Variants in C2orf49 observed in about 807,000 individuals in gnomAD.
C2orf49 encodes tRNA splicing ligase complex subunit 2, also known as tRNA-splicing ligase complex subunit ASW.
A neutral mutation model predicts 20.6 loss-of-function variants in C2orf49; 11 were observed. That is an observed-to-expected ratio of 0.53 (90% CI 0.34 to 0.88). C2orf49 has a LOEUF of 0.88. Among genes scored for constraint, C2orf49 ranks in the 40% least tolerant of loss-of-function variants. The pLI is 0.02. For synonymous variants in C2orf49, 134 were observed against 108.5 expected, an observed-to-expected ratio of 1.24 and a Z score of -1.46; for missense variants, 289 against 274.2, an observed-to-expected ratio of 1.05 and a Z score of -0.38.
At chr2:105,369,789 T>C in the C2orf49 span, among the ~76,000 whole-genome samples, 4 of 152,304 alleles carry the variant, frequency 2.6e-5, no homozygotes, top group East Asian at 7.7e-4. Flanking sequence ...ATGGGGCAAT[T>C]ATGACTCTCA....
At chr2:105,373,682 G>C in the C2orf49 span, 39 of 1,614,098 alleles carry the variant, frequency 2.4e-5, no homozygotes, top group Non-Finnish European at 3.0e-5. Flanking sequence ...TTTCTGCACT[G>C]CGAGCAGTGG....
Position 105,345,572 on chromosome 2 carries a change from C to G in C2orf49, c.*201C>G, listed in dbSNP as rs1412978761. ...TTTTTAAAATTCTTGCCTGTCTTGC[C>G]CTGATTAGGAAAGAATATCTTTTTA... On this transcript the variant is annotated 3_prime_UTR_variant, in exon 4 of 4. Coordinates refer to ENST00000258457, the MANE Select transcript of C2orf49 (RefSeq NM_024093.3). 1 of 595,242 alleles carries G rather than the reference C, an allele frequency of 1.7e-6. No homozygotes were observed. Among genetic ancestry groups the G allele is most frequent in the Non-Finnish European group, 3.0e-6 (1 of 334,382 alleles). The allele number at this position is 595,242 out of a possible 1,614,324, so 36.9% of individuals were successfully genotyped here. A position where few individuals can be genotyped will look rare whatever the true frequency, so the allele number is the denominator to read the frequency against.
downstream of C2orf49, among the ~76,000 whole-genome samples, chr2:105,353,997 C>T (rs1429677624): frequency 6.6e-6 from 1 of 152,210 alleles, no homozygotes; most frequent in Non-Finnish European, 1.5e-5. Context: ...CCTCTGCTTA[C>T]AAATTGGATA....
At chr2:105,379,972 A>G in the C2orf49 span, among the ~76,000 whole-genome samples, 1 of 152,030 alleles carries the variant, frequency 6.6e-6, no homozygotes, top group African/African-American at 2.4e-5. Context: ...TTTCCCTGTC[A>G]CTCTCTGAAT....
the C2orf49 span, among the ~76,000 whole-genome samples, chr2:105,367,268 G>A: frequency 6.6e-6 from 1 of 152,164 alleles, no homozygotes; most frequent in East Asian, 1.9e-4. Context: ...ACAGCTTTGG[G>A]ATGGTGGCTC....
the C2orf49 span, among the ~76,000 whole-genome samples, chr2:105,382,097 A>G: frequency 1.3e-5 from 2 of 152,178 alleles, no homozygotes; most frequent in African/African-American, 2.4e-5. Flanking sequence ...ATCACTGAAC[A>G]TTTCTGTCCA....
At chr2:105,339,799 A>G in intron 2 of C2orf49, 50 bp downstream of exon 2, 2 of 1,425,920 alleles carry the variant, frequency 1.4e-6, no homozygotes, top group Non-Finnish European at 1.9e-6. Flanking sequence ...AACTAAAGTT[A>G]TATATAAGTT....
Position 105,345,523 on chromosome 2 carries a change from C to G in C2orf49, c.*152C>G. 2 of 655,776 alleles carry G rather than the reference C, an allele frequency of 3.0e-6. No individual in the cohort carries two copies. The highest frequency in any genetic ancestry group is 2.6e-6 in the Non-Finnish European group (1 of 380,008). 40.6% of individuals were successfully genotyped at this position (655,776 alleles called of 1,614,324 possible). A position where few individuals can be genotyped will look rare whatever the true frequency, so the allele number is the denominator to read the frequency against. ...AAAAAATAAAGGATTTATTTTCCTT[C>G]CCTTCTTCCCTCCCTCCCTTCCTTT... is the stretch of plus-strand genomic sequence containing the variant. On this transcript the variant is annotated 3_prime_UTR_variant, in exon 4 of 4. Coordinates refer to ENST00000258457, the MANE Select transcript of C2orf49 (RefSeq NM_024093.3).
At chr2:105,343,336 G>C in intron 3 of C2orf49, 113 bp downstream of exon 3, 4 of 1,013,282 alleles carry the variant, frequency 3.9e-6, no homozygotes, top group South Asian at 1.9e-5. Context: ...GAACCCTTTT[G>C]ATGGTCTGTC....
the C2orf49 span, among the ~76,000 whole-genome samples, chr2:105,380,387 T>G: frequency 5.4e-4 from 82 of 152,332 alleles, 1 homozygote; most frequent in East Asian, 0.015. Flanking sequence ...CTGTTCTGTC[T>G]GTCTATCTAT....
chr2:105,352,513 C>T (rs1210414143), downstream of C2orf49, among the ~76,000 whole-genome samples: 8 of 124,692 alleles, frequency 6.4e-5, no homozygotes, highest in East Asian at 2.7e-4. Context: ...GGCAGGATCT[C>T]GGCCCACTGC....
Position 105,342,832 on chromosome 2 carries a change from A to G in C2orf49, c.267-16A>G. 1.9e-6 allele frequency: 3 copies of G among 1,593,952 alleles called. No homozygotes were observed. In the South Asian group the frequency reaches 3.4e-5, roughly 18 times the overall value. On this transcript the variant is annotated splice_polypyrimidine_tract_variant and intron_variant, in intron 2 of 3. Transcript: ENST00000258457. ...TCCAGATGGTATTTTTCAAGAGTGCATCTCTTTGATTTCAGGAGTAGCACT... is the reference window on the plus strand; with the variant it reads ...TCCAGATGGTATTTTTCAAGAGTGCGTCTCTTTGATTTCAGGAGTAGCACT...
At chr2:105,375,372 A>T in the C2orf49 span, 11 of 152,250 alleles carry the variant, frequency 7.2e-5, no homozygotes, top group African/African-American at 2.7e-4. Flanking sequence ...GCTTCCTAGA[A>T]CATCTGGGAA....
At chr2:105,370,264 A>T in the C2orf49 span, among the ~76,000 whole-genome samples, 1 of 151,996 alleles carries the variant, frequency 6.6e-6, no homozygotes, top group South Asian at 2.1e-4. Flanking sequence ...GGTCCTAGAC[A>T]CGTAGGAGGC....
At chr2:105,381,118 A>G in the C2orf49 span, among the ~76,000 whole-genome samples, 1 of 151,926 alleles carries the variant, frequency 6.6e-6, no homozygotes, top group Non-Finnish European at 1.5e-5. Context: ...CCTCCTTCGC[A>G]CCCCATTCCA....
rs1558668663 is a variant in C2orf49, at chr2:105,346,275, A to G, written c.*904A>G. The G allele has an allele frequency of 6.6e-6, 1 of 152,210 alleles. No individual in the cohort carries two copies. The highest frequency in any genetic ancestry group is 1.5e-5 in the Non-Finnish European group (1 of 68,040). 9.4% of individuals were successfully genotyped at this position (152,210 alleles called of 1,614,324 possible). A position where few individuals can be genotyped will look rare whatever the true frequency, so the allele number is the denominator to read the frequency against. ...GCTTACATTGCTTCTTCCCATAAAA[A>G]GCAAAAAGGAATCAGTGCTTGCTAT... On this transcript the variant is annotated 3_prime_UTR_variant, in exon 4 of 4. Transcript: ENST00000258457.
the C2orf49 span, chr2:105,373,802 C>G: frequency 3.5e-5 from 54 of 1,534,922 alleles, 1 homozygote; most frequent in South Asian, 1.6e-4. Flanking sequence ...GCATAGGGGC[C>G]CCTTGCGAAT....
rs778311158 is a variant in C2orf49, at chr2:105,343,138, C to T, written c.557C>T (p.Pro186Leu). The part of the protein sequence containing the change: ...DLTHRKSPSG[P>L]VKSPPLSPVG... ...ACGCATAGGAAAAGTCCTTCAGGCCCTGTGAAGTCGCCACCATTGTCCCCT... is the reference window on the plus strand; with the variant it reads ...ACGCATAGGAAAAGTCCTTCAGGCCTTGTGAAGTCGCCACCATTGTCCCCT... The change falls in exon 3 of 4, where the codon CCT becomes CTT. Residue 186 changes from proline to leucine, a missense_variant. Pro to Leu is a moderately conservative substitution (Grantham distance 98). Coordinates refer to ENST00000258457, the MANE Select transcript of C2orf49 (RefSeq NM_024093.3). The T allele has an allele frequency of 1.2e-6, 2 of 1,614,160 alleles. No homozygotes were observed. Among genetic ancestry groups the T allele is most frequent in the South Asian group, 2.2e-5 (2 of 91,082 alleles).
At chr2:105,344,831 C>T (rs1679770960) in intron 3 of C2orf49, among the ~76,000 whole-genome samples, 1 of 151,994 alleles carries the variant, frequency 6.6e-6, no homozygotes, top group Non-Finnish European at 1.5e-5. Context: ...CTCAAGTGAT[C>T]CACCTGACTC....
Sources: gnomAD v4.1 joint callset for allele counts (sites outside exome capture counted in the v4.1 genomes callset) on GRCh38, gnomAD v4.1.1 for gene constraint, MANE v1.5 for transcripts, NCBI Gene and HGNC (gene_info 2026-07-23, HGNC 2026-07-21) for gene names.